The following RYR1 variants were observed in gnomAD, a reference collection of about 807,000 sequenced individuals.
RYR1 encodes the protein central core disease of muscle.
Under a neutral mutation model 583.5 loss-of-function variants are expected in RYR1, and 342 were observed. That is an observed-to-expected ratio of 0.59 (90% CI 0.54 to 0.64). RYR1 has a LOEUF of 0.64. Ranked by LOEUF, RYR1 falls within the 30% of genes least tolerant of loss-of-function variation. The pLI, the probability that RYR1 is intolerant of heterozygous loss-of-function variation, is 0.00. For missense variants in RYR1, 6,032 were observed against 6,917.2 expected (o/e 0.87, Z 4.54); for synonymous variants, 2,791 against 2,822.5 (o/e 0.99, Z 0.35).
rs1973365151 is a variant in RYR1, at chr19:38,565,472, C to T, written c.13138C>T (p.Leu4380=). Residue 4380 remains leucine, a synonymous_variant, in exon 91 of 106, where the codon CTG becomes TTG. Transcript: ENST00000359596. This position sits in a 1 kb window ranked among gnomAD's most constrained non-coding sequence, Gnocchi z 4.7. The part of the protein sequence containing the change: ...GAKKVTVTEL[L]AGMPDPTSDE... ...CAAGAAGGTGACGGTGACCGAGCTCCTGGCAGGCATGCCCGACCCCACCAG... is the reference window on the plus strand; with the variant it reads ...CAAGAAGGTGACGGTGACCGAGCTCTTGGCAGGCATGCCCGACCCCACCAG... 2.0e-6 allele frequency: 3 copies of T among 1,504,006 alleles called. No individual in the cohort carries two copies. The highest frequency in any genetic ancestry group is 1.4e-5 in the African/African-American group (1 of 69,060). 93.2% of individuals were successfully genotyped at this position (1,504,006 alleles called of 1,614,324 possible). A position where few individuals can be genotyped will look rare whatever the true frequency, so the allele number is the denominator to read the frequency against.
chr19:38,499,560 G>A lies in RYR1; in HGVS notation c.7028-75G>A, dbSNP rs1203102861. 2.6e-6 allele frequency: 4 copies of A among 1,524,536 alleles called. No individual in the cohort carries two copies. The highest frequency in any genetic ancestry group is 1.1e-5 in the South Asian group (1 of 87,326). The allele number at this position is 1,524,536 out of a possible 1,614,324, so 94.4% of individuals were successfully genotyped here. Reference sequence around the variant, plus strand: ...TGGGACCTGTGTTACCCCTGGAGGTGTTGGGTCCTGGGGCTGCATGGGGAG... The same window carrying A: ...TGGGACCTGTGTTACCCCTGGAGGTATTGGGTCCTGGGGCTGCATGGGGAG... On this transcript the variant is annotated intron_variant, in intron 43 of 105. Coordinates refer to ENST00000359596, the MANE Select transcript of RYR1 (RefSeq NM_000540.3). The surrounding 1 kb of genome is among the most constrained non-coding windows in gnomAD (Gnocchi z 7.3).
intron 33 of RYR1, among the ~76,000 whole-genome samples, chr19:38,484,930 C>G (rs1031330228): frequency 6.6e-6 from 1 of 152,080 alleles, no homozygotes; most frequent in African/African-American, 2.4e-5. Context: ...AGGATCGCAC[C>G]ACTGCACTCT....
At position 38,517,502 on chromosome 19, in the gene RYR1, C is replaced by CTATG; in HGVS notation, c.9830_9833dup (p.Ser3279MetfsTer33). ...TGTCATCGAGATCACGCTGCCCATG[C>CTATG]TATGCAGCTACCTGCCCCGATGGTG... On this transcript the variant is annotated frameshift_variant, in exon 66 of 106. Transcript: ENST00000359596. LOFTEE classifies it high-confidence loss of function. 6.2e-7 allele frequency: 1 copy of CTATG among 1,614,108 alleles called. No individual in the cohort carries two copies. The highest frequency in any genetic ancestry group is 8.5e-7 in the Non-Finnish European group (1 of 1,179,998).
intron 1 of RYR1, among the ~76,000 whole-genome samples, chr19:38,434,878 A>C (rs987686645): frequency 1.3e-5 from 2 of 152,126 alleles, no homozygotes; most frequent in Non-Finnish European, 2.9e-5. Context: ...CTGACACAGC[A>C]TTCCTGCCCC....
At chr19:38,479,568 T>A (rs1968909769) in intron 31 of RYR1, among the ~76,000 whole-genome samples, 1 of 151,958 alleles carries the variant, frequency 6.6e-6, no homozygotes. Context: ...CCACCTTGAC[T>A]AGCTGATTTT....
At position 38,455,313 on chromosome 19, in the gene RYR1, G is replaced by A. The variant is rs776760986; in HGVS notation, c.1519G>A (p.Gly507Arg). 3 of 1,613,968 alleles carry A rather than the reference G, an allele frequency of 1.9e-6. No individual in the cohort carries two copies. The highest frequency in any genetic ancestry group is 2.2e-5 in the East Asian group (1 of 44,892). The change falls in exon 14 of 106, where the codon GGG becomes AGG. Residue 507 changes from glycine to arginine, a missense_variant. By Grantham distance (125) the Gly-to-Arg change is moderately radical. Around this residue, in one of 11 missense-constraint regions of RYR1, gnomAD observed 2,627 missense variants for 2,961.3 expected, o/e 0.89. Transcript: ENST00000359596. ...TGCTGCCCACTTTGCTGAGTTTGCAGGGGAGGAGGCAGCCGAGTCCTGGAA... is the reference window on the plus strand; with the variant it reads ...TGCTGCCCACTTTGCTGAGTTTGCAAGGGAGGAGGCAGCCGAGTCCTGGAA... ...TTAAHFAEFA[G>R]EEAAESWKEI...
intron 89 of RYR1, among the ~76,000 whole-genome samples, chr19:38,560,489 G>A (rs898115947): frequency 2.0e-5 from 3 of 152,108 alleles, no homozygotes; most frequent in African/African-American, 4.8e-5. Flanking sequence ...TGCACTTTGG[G>A]AGGCCGAGGC....
Position 38,483,045 on chromosome 19 carries a change from C to G in RYR1, c.4639C>G (p.Leu1547Val). The change falls in exon 32 of 106, where the codon CTA becomes GTA. Residue 1547 changes from leucine to valine, a missense_variant. Leu to Val is a conservative substitution (Grantham distance 32). Around this residue, in one of 11 missense-constraint regions of RYR1, gnomAD observed 2,627 missense variants for 2,961.3 expected, o/e 0.89. Coordinates refer to ENST00000359596, the MANE Select transcript of RYR1 (RefSeq NM_000540.3). The surrounding 1 kb of genome is among the most constrained non-coding windows in gnomAD (Gnocchi z 6.3). ...TFFQVEPNTK[L>V]FPAVFVLPTH... ...CTGCCAGGTGGAACCCAACACTAAG[C>G]TATTTCCTGCCGTCTTCGTCCTGCC... 6.2e-7 allele frequency: 1 copy of G among 1,614,136 alleles called. No homozygotes were observed. Among genetic ancestry groups the G allele is most frequent in the Non-Finnish European group, 8.5e-7 (1 of 1,180,028 alleles).
At chr19:38,559,584 T>A (rs1402623900) in intron 89 of RYR1, among the ~76,000 whole-genome samples, 1 of 151,542 alleles carries the variant, frequency 6.6e-6, no homozygotes, top group African/African-American at 2.4e-5. Flanking sequence ...GATAGAGGGG[T>A]AGGCAAGCAG....
intron 84 of RYR1, among the ~76,000 whole-genome samples, chr19:38,539,141 A>G (rs1255150904): frequency 6.6e-6 from 1 of 151,634 alleles, no homozygotes; most frequent in Non-Finnish European, 1.5e-5. Flanking sequence ...AGGATAAAGT[A>G]TGATCTCTTT....
intron 67 of RYR1, 146 bp from the exon 68 acceptor site, chr19:38,522,882 A>G: frequency 1.4e-6 from 1 of 695,678 alleles, no homozygotes; most frequent in Non-Finnish European, 2.4e-6. Flanking sequence ...TTTAATGTTC[A>G]TCTGCATGGC....
intron 64 of RYR1, 47 bp downstream of exon 64, chr19:38,515,154 A>C (rs530604538): frequency 1.6e-6 from 2 of 1,264,956 alleles, no homozygotes; most frequent in South Asian, 2.4e-5. Context: ...GCTGGAGGGG[A>C]AGGGAGGGAG....
rs141219411 is a variant in RYR1, at chr19:38,464,048, G to T, written c.2786+198G>T. 0.011 allele frequency among the ~76,000 whole-genome samples: 1,659 copies of T among 151,972 alleles called. 39 individuals are homozygous for T. Among genetic ancestry groups the T allele is most frequent in the African/African-American group, 0.038 (1,574 of 41,394 alleles). ...TCCTAGCACTTTGGGAGGCCGAGAC[G>T]GGTGGATCACTTGAGGTCAGCAGTT... is the stretch of plus-strand genomic sequence containing the variant. On this transcript the variant is annotated intron_variant, in intron 22 of 105. Coordinates refer to ENST00000359596, the MANE Select transcript of RYR1 (RefSeq NM_000540.3).
In RYR1 at chr19:38,478,035, CCT is replaced by C. The variant is rs1271138763; in HGVS notation, c.4454+168_4454+169del. On this transcript the variant is annotated intron_variant, in intron 30 of 105. Coordinates refer to ENST00000359596, the MANE Select transcript of RYR1 (RefSeq NM_000540.3). The stretch of plus-strand genomic sequence containing the variant: ...CACCCAGCTCGGAAGCTTCCCTCCT[CCT>C]CTTTTTCCTCCTCTCTTCCTGCCCT... 7.2e-5 allele frequency among the ~76,000 whole-genome samples: 11 copies of C among 152,076 alleles called. No individual in the cohort carries two copies. The East Asian group carries it at 1.7e-3, about 24-fold the overall frequency.
intron 101 of RYR1, among the ~76,000 whole-genome samples, chr19:38,581,287 C>T (rs957125041): frequency 1.3e-5 from 2 of 152,158 alleles, no homozygotes; most frequent in African/African-American, 4.8e-5. Context: ...CCATGTTAGC[C>T]AGGATGGTCT....
chr19:38,449,545 CAACA>C (rs1384032937), intron 11 of RYR1, among the ~76,000 whole-genome samples: 10 of 152,208 alleles, frequency 6.6e-5, no homozygotes, highest in Admixed American at 6.5e-4. Flanking sequence ...GAATAACTTT[CAACA>C]AACAATTACT....
chr19:38,494,232 G>A (rs1969694025), intron 38 of RYR1, 120 bp from the exon 39 acceptor site: 1 of 1,144,788 alleles, frequency 8.7e-7, no homozygotes, highest in Admixed American at 1.7e-5. Flanking sequence ...GAGGGCGCAG[G>A]TGGTAGTAAC....
In RYR1 at chr19:38,573,251, G is replaced by A. The variant is rs1450888449; in HGVS notation, c.14073G>A (p.Glu4691=). 5.6e-6 allele frequency: 9 copies of A among 1,613,912 alleles called. No individual in the cohort carries two copies. The highest frequency in any genetic ancestry group is 1.1e-5 in the South Asian group (1 of 91,088). Residue 4691 remains glutamate, a synonymous_variant, in exon 96 of 106, where the codon GAG becomes GAA. Coordinates refer to ENST00000359596, the MANE Select transcript of RYR1 (RefSeq NM_000540.3). ...KLEFDGLYIT[E]QPEDDDVKGQ... is the part of the protein sequence containing the mutation. ...AGTTTGATGGCCTGTACATCACGGA[G>A]CAGCCTGAGGACGATGACGTGAAGG...
chr19:38,502,679 C>G lies in RYR1; in HGVS notation c.7787C>G (p.Thr2596Ser), dbSNP rs193922824. Reference sequence around the variant, plus strand: ...CGCCTGTCTCGGGGTCGTTCGCTCACCAAGGCGCAGCGTGACGTCATCGAG... The same window carrying G: ...CGCCTGTCTCGGGGTCGTTCGCTCAGCAAGGCGCAGCGTGACGTCATCGAG... ...VYRLSRGRSLTKAQRDVIEDC... is the reference protein window; with the variant it reads ...VYRLSRGRSLSKAQRDVIEDC... The change falls in exon 48 of 106, where the codon ACC becomes AGC. Residue 2596 changes from threonine to serine, a missense_variant. Around this residue, in one of 11 missense-constraint regions of RYR1, gnomAD observed 250 missense variants for 162.3 expected, o/e 1.54. Transcript: ENST00000359596. The G allele has an allele frequency of 6.8e-6, 11 of 1,609,662 alleles. No homozygotes were observed. The South Asian group carries it at 9.9e-5, about 14-fold the overall frequency.
Sources: gnomAD v4.1 joint callset for allele counts (sites outside exome capture counted in the v4.1 genomes callset) on GRCh38, gnomAD v4.1.1 for gene constraint, gnomAD v4.1.1 regional missense constraint, Gnocchi (gnomAD v3.1) non-coding constraint, MANE v1.5 for transcripts, NCBI Gene and HGNC (gene_info 2026-07-23, HGNC 2026-07-21) for gene names.